ACTN1: variants seen among roughly 807,000 people sequenced by gnomAD.
The protein encoded by ACTN1 is actinin alpha 1, also known as alpha-actinin-1.
ACTN1 carries 30 observed loss-of-function variants against 119.6 expected under a neutral mutation model. The ratio of observed to expected loss-of-function variants is 0.25; its 90% confidence interval spans 0.19 to 0.34. ACTN1 has a LOEUF of 0.34. Ranked by LOEUF, ACTN1 falls within the 10% of genes least tolerant of loss-of-function variation. The pLI is 1.00. For missense variants in ACTN1, 764 were observed against 1,223.4 expected (o/e 0.62, Z 5.60); for synonymous variants, 429 against 472.6 (o/e 0.91, Z 1.20).
At position 68,885,543 on chromosome 14, in the gene ACTN1, C is replaced by T; in HGVS notation, c.1267G>A (p.Glu423Lys). 6.2e-7 allele frequency: 1 copy of T among 1,613,962 alleles called. No individual in the cohort carries two copies. Among genetic ancestry groups the T allele is most frequent in the Non-Finnish European group, 8.5e-7 (1 of 1,180,014 alleles). ...TTGATCTCCGAGAGGGTGGCGGTCT[C>T]ATAGTCCTTCTGTCGCAGCATGGCC... Reference protein sequence around the residue: ...KEAMLRQKDYETATLSEIKAL... With the variant: ...KEAMLRQKDYKTATLSEIKAL... The change falls in exon 12 of 22, where the codon GAG (glutamate) becomes AAG (lysine). Residue 423 changes from glutamate to lysine, a missense_variant. Coordinates refer to ENST00000394419, the MANE Select transcript of ACTN1 (RefSeq NM_001130004.2). This position sits in a 1 kb window ranked among gnomAD's most constrained non-coding sequence, Gnocchi z 5.6.
rs1323971762 is a variant in ACTN1 at position 68,887,677 on chromosome 14, T to C, written c.1235-2102A>G. On this transcript the variant is annotated intron_variant, in intron 11 of 21. Transcript: ENST00000394419. Reference sequence around the variant, plus strand: ...GGATACCCTCCTTCTTAAAAATGTTTCTAGAGCTACTAAAAAGCTTGCATT... The same window carrying C: ...GGATACCCTCCTTCTTAAAAATGTTCCTAGAGCTACTAAAAAGCTTGCATT... The C allele has an allele frequency of 3.9e-6, 5 of 1,278,584 alleles. No homozygotes were observed. The Admixed American group carries it at 9.9e-5, about 25-fold the overall frequency. The allele number at this position is 1,278,584 out of a possible 1,614,324, so 79.2% of individuals were successfully genotyped here.
chr14:68,894,198 T>C (rs2032711891), intron 8 of ACTN1, among the ~76,000 whole-genome samples: 1 of 152,182 alleles, frequency 6.6e-6, no homozygotes, highest in Admixed American at 6.5e-5. Context: ...CCGGGAGTCC[T>C]GGGATAAAGT....
chr14:68,880,699 A>G lies in ACTN1; in HGVS notation c.2133+111T>C. 5 of 1,141,682 alleles carry G rather than the reference A, an allele frequency of 4.4e-6. No homozygotes were observed. The highest frequency in any genetic ancestry group is 6.3e-6 in the Non-Finnish European group (5 of 794,402). 70.7% of individuals were successfully genotyped at this position (1,141,682 alleles called of 1,614,324 possible). A position where few individuals can be genotyped will look rare whatever the true frequency, so the allele number is the denominator to read the frequency against. Reference sequence around the variant, plus strand: ...TGAAGATGTGAGGCTTCAGGGGTGAAGTTAATTTATCCTCCAACTATGACC... The same window carrying G: ...TGAAGATGTGAGGCTTCAGGGGTGAGGTTAATTTATCCTCCAACTATGACC... On this transcript the variant is annotated intron_variant, in intron 17 of 21. Transcript: ENST00000394419. The surrounding 1 kb of genome is among the most constrained non-coding windows in gnomAD (Gnocchi z 4.6).
At chr14:68,927,886 C>A (rs1594828166) in intron 1 of ACTN1, among the ~76,000 whole-genome samples, 1 of 152,232 alleles carries the variant, frequency 6.6e-6, no homozygotes, top group Non-Finnish European at 1.5e-5. Context: ...TCAAGCTGTG[C>A]GTTCACACTT....
intron 1 of ACTN1, among the ~76,000 whole-genome samples, chr14:68,972,033 G>A (rs186094123): frequency 9.8e-4 from 149 of 152,026 alleles, no homozygotes; most frequent in Admixed American, 2.0e-3. Flanking sequence ...GCCTCACTTG[G>A]ACTCCCACCC....
intron 1 of ACTN1, among the ~76,000 whole-genome samples, chr14:68,949,630 G>C (rs1368622842): frequency 6.6e-6 from 1 of 152,160 alleles, no homozygotes; most frequent in Non-Finnish European, 1.5e-5. Context: ...TTAAATGCAA[G>C]GACTCAAACA....
intron 3 of ACTN1, among the ~76,000 whole-genome samples, chr14:68,916,103 G>A (rs1333635526): frequency 6.6e-6 from 1 of 152,226 alleles, no homozygotes; most frequent in Non-Finnish European, 1.5e-5. Flanking sequence ...TGGGAAGTGG[G>A]AAAAGCAGGT....
At chr14:68,881,080 C>T in intron 16 of ACTN1, 91 bp from the exon 17 acceptor site, 1 of 1,291,676 alleles carries the variant, frequency 7.7e-7, no homozygotes, top group South Asian at 1.4e-5. Context: ...TTATTAAGCC[C>T]TCAAATGATT....
At chr14:68,888,439 C>T (rs530116965) in intron 11 of ACTN1, among the ~76,000 whole-genome samples, 5 of 152,224 alleles carry the variant, frequency 3.3e-5, no homozygotes, top group African/African-American at 1.2e-4. Flanking sequence ...CCACTCTGCC[C>T]GTCACGTCTG....
chr14:68,958,744 A>G (rs1476862168), intron 1 of ACTN1, among the ~76,000 whole-genome samples: 2 of 152,228 alleles, frequency 1.3e-5, no homozygotes, highest in East Asian at 3.9e-4. Context: ...ATAATGGAAG[A>G]ATTATTAGCA....
chr14:68,927,687 G>GT (rs745559750), intron 1 of ACTN1, among the ~76,000 whole-genome samples: 3 of 152,214 alleles, frequency 2.0e-5, no homozygotes, highest in Non-Finnish European at 2.9e-5. Flanking sequence ...ACAGGGAAGC[G>GT]TATGTACCAA....
chr14:68,941,979 C>T (rs1194456083), intron 1 of ACTN1, among the ~76,000 whole-genome samples: 1 of 152,148 alleles, frequency 6.6e-6, no homozygotes, highest in African/African-American at 2.4e-5. Context: ...GACAACCACC[C>T]GGCAGCAGCC....
intron 8 of ACTN1, among the ~76,000 whole-genome samples, chr14:68,899,270 C>A (rs2033128911): frequency 6.7e-6 from 1 of 148,440 alleles, no homozygotes; most frequent in South Asian, 2.2e-4. Context: ...ACCCACATGC[C>A]ACACCTCACA....
chr14:68,959,559 CAG>C (rs1035509544), intron 1 of ACTN1, among the ~76,000 whole-genome samples: 4 of 152,152 alleles, frequency 2.6e-5, no homozygotes, highest in African/African-American at 9.7e-5. Flanking sequence ...GAACCAGGGT[CAG>C]GGTTGACTTA....
rs1466983229 is a variant in ACTN1, at chr14:68,882,751, A to G, written c.1818+122T>C. On this transcript the variant is annotated intron_variant, in intron 15 of 21. Coordinates refer to ENST00000394419, the MANE Select transcript of ACTN1 (RefSeq NM_001130004.2). This position sits in a 1 kb window ranked among gnomAD's most constrained non-coding sequence, Gnocchi z 4.5. ...GGAAACCCAGTCATTTGACATTTGG[A>G]CAAACAATGAGTGTTTACTATATGA... 1 of 1,507,254 alleles carries G rather than the reference A, an allele frequency of 6.6e-7. No individual in the cohort carries two copies. The highest frequency in any genetic ancestry group is 9.0e-7 in the Non-Finnish European group (1 of 1,108,370). The allele number at this position is 1,507,254 out of a possible 1,614,324, so 93.4% of individuals were successfully genotyped here.
chr14:68,879,905 G>T lies in ACTN1; in HGVS notation c.2280+57C>A. On this transcript the variant is annotated intron_variant, in intron 18 of 21. Transcript: ENST00000394419. This position sits in a 1 kb window ranked among gnomAD's most constrained non-coding sequence, Gnocchi z 4.9. ...CCACGTCCCGGGGAAGTGCCCTCCA[G>T]GGCCCTGGGGCAGGGGTTGGGGGCT... The T allele has an allele frequency of 1.3e-6, 2 of 1,591,020 alleles. No individual in the cohort carries two copies. Among genetic ancestry groups the T allele is most frequent in the East Asian group, 2.2e-5 (1 of 44,476 alleles).
At chr14:68,952,948 G>A (rs1286241634) in intron 1 of ACTN1, among the ~76,000 whole-genome samples, 2 of 152,154 alleles carry the variant, frequency 1.3e-5, no homozygotes, top group African/African-American at 2.4e-5. Flanking sequence ...CACCAGTGAC[G>A]CCACCAACCC....
rs188009772 is a variant in ACTN1 at position 68,874,644 on chromosome 14, A to G, written c.*215T>C. The stretch of plus-strand genomic sequence containing the variant: ...ATACTTTTTCTATAATAAAATATGT[A>G]GTTTTTTGGTTTTTAACGTAACTTT... On this transcript the variant is annotated 3_prime_UTR_variant, in exon 22 of 22. Coordinates refer to ENST00000394419, the MANE Select transcript of ACTN1 (RefSeq NM_001130004.2). 7.4e-6 allele frequency: 3 copies of G among 405,302 alleles called. No homozygotes were observed. Among genetic ancestry groups the G allele is most frequent in the East Asian group, 3.6e-5 (1 of 27,682 alleles). 25.1% of individuals were successfully genotyped at this position (405,302 alleles called of 1,614,324 possible). A position where few individuals can be genotyped will look rare whatever the true frequency, so the allele number is the denominator to read the frequency against.
In ACTN1 at chr14:68,925,988, C is replaced by A. The variant is rs2034905297; in HGVS notation, c.106-316G>T. ...TGCCCACCCACATTTGAAAATGCCA[C>A]AATTCCATTCTTACAAGTTACCTCT... is the stretch of plus-strand genomic sequence containing the variant. On this transcript the variant is annotated intron_variant, in intron 1 of 21. Coordinates refer to ENST00000394419, the MANE Select transcript of ACTN1 (RefSeq NM_001130004.2). The surrounding 1 kb of genome is among the most constrained non-coding windows in gnomAD (Gnocchi z 4.3). 6.6e-6 allele frequency among the ~76,000 whole-genome samples: 1 copy of A among 152,228 alleles called. No individual in the cohort carries two copies. Among genetic ancestry groups the A allele is most frequent in the South Asian group, 2.1e-4 (1 of 4,830 alleles).
Sources: gnomAD v4.1 joint callset for allele counts (sites outside exome capture counted in the v4.1 genomes callset) on GRCh38, gnomAD v4.1.1 for gene constraint, Gnocchi (gnomAD v3.1) non-coding constraint, MANE v1.5 for transcripts, NCBI Gene and HGNC (gene_info 2026-07-23, HGNC 2026-07-21) for gene names.